METTL16: variants seen among roughly 807,000 people sequenced by gnomAD.
The protein encoded by METTL16 is methyltransferase 16, RNA N6-adenosine.
In METTL16, 19 loss-of-function variants were observed where a neutral mutation model predicts 57.9. That is an observed-to-expected ratio of 0.33 (90% confidence interval 0.23 to 0.48). The LOEUF (loss-of-function observed/expected upper bound fraction) is 0.48, where lower values mean the gene tolerates loss of function less well. Ranked by LOEUF, METTL16 falls within the 20% of genes least tolerant of loss-of-function variation. METTL16 has a pLI of 0.99. For missense variants in METTL16, 434 were observed against 691.5 expected (o/e 0.63, Z 4.18); for synonymous variants, 246 against 255.6 (o/e 0.96, Z 0.36).
chr17:2,474,241 A>C (rs889085250), intron 3 of METTL16, among the ~76,000 whole-genome samples: 1 of 152,184 alleles, frequency 6.6e-6, no homozygotes, highest in Non-Finnish European at 1.5e-5. Context: ...TATTTATTAA[A>C]ATGCCTTTGT....
chr17:2,491,672 G>T (rs184990816), intron 2 of METTL16, among the ~76,000 whole-genome samples: 3 of 151,732 alleles, frequency 2.0e-5, no homozygotes, highest in East Asian at 1.9e-4. Flanking sequence ...TCAGGAGATG[G>T]AGACCATCCT....
At chr17:2,473,705 G>GTTTC in intron 3 of METTL16, 41 bp from the exon 4 acceptor site, 1 of 1,586,640 alleles carries the variant, frequency 6.3e-7, no homozygotes, top group Non-Finnish European at 8.6e-7. Context: ...ACACACCAGA[G>GTTTC]GGAAAGGTTA....
intron 8 of METTL16, chr17:2,436,591 A>C (rs1219028041): frequency 6.6e-6 from 1 of 152,528 alleles, no homozygotes; most frequent in Non-Finnish European, 1.5e-5. Flanking sequence ...GAAGAACAGC[A>C]CCCAGAACAA....
chr17:2,467,308 G>T (rs540027816), intron 5 of METTL16, among the ~76,000 whole-genome samples: 1 of 152,170 alleles, frequency 6.6e-6, no homozygotes, highest in Non-Finnish European at 1.5e-5. Flanking sequence ...GAGTCCGGAT[G>T]TTCAAGACCA....
At chr17:2,509,555 C>T (rs890700534) in intron 1 of METTL16, among the ~76,000 whole-genome samples, 1 of 152,058 alleles carries the variant, frequency 6.6e-6, no homozygotes, top group African/African-American at 2.4e-5. Flanking sequence ...TCAAAATAAA[C>T]AAATACAAAT....
intron 1 of METTL16, among the ~76,000 whole-genome samples, chr17:2,505,920 T>C (rs980028583): frequency 6.6e-6 from 1 of 152,104 alleles, no homozygotes; most frequent in African/African-American, 2.4e-5. Flanking sequence ...TTAAGTCACA[T>C]GCCCTTGCTC....
intron 6 of METTL16, among the ~76,000 whole-genome samples, chr17:2,457,586 T>TAG (rs944197186): frequency 6.6e-6 from 1 of 151,580 alleles, no homozygotes; most frequent in African/African-American, 2.4e-5. Context: ...CGCGTGCCTT[T>TAG]AATCCCAGCT....
At chr17:2,427,940 T>A (rs1309330421) in intron 8 of METTL16, among the ~76,000 whole-genome samples, 1 of 105,916 alleles carries the variant, frequency 9.4e-6, no homozygotes, top group Non-Finnish European at 1.8e-5. Flanking sequence ...ATGGCAAAAC[T>A]CCATCTTTAC....
At chr17:2,483,622 T>C (rs1245556988) in intron 2 of METTL16, among the ~76,000 whole-genome samples, 1 of 152,156 alleles carries the variant, frequency 6.6e-6, no homozygotes, top group Non-Finnish European at 1.5e-5. Context: ...CTTTACTCAA[T>C]AGCACGCAAT....
intron 6 of METTL16, among the ~76,000 whole-genome samples, chr17:2,452,439 C>A (rs1489771027): frequency 6.6e-6 from 1 of 152,032 alleles, no homozygotes; most frequent in Non-Finnish European, 1.5e-5. Flanking sequence ...TATGCCTACC[C>A]ACTAGATCCT....
chr17:2,454,980 G>A (rs575951404), intron 6 of METTL16, among the ~76,000 whole-genome samples: 2 of 151,962 alleles, frequency 1.3e-5, no homozygotes, highest in East Asian at 3.9e-4. Context: ...GAGTGCAGTG[G>A]CGCAATCTTG....
intron 8 of METTL16, among the ~76,000 whole-genome samples, chr17:2,435,644 T>C (rs964483699): frequency 2.0e-5 from 3 of 151,866 alleles, no homozygotes; most frequent in African/African-American, 7.2e-5. Context: ...TGGGAGTGCA[T>C]TATTAGCAGC....
rs139982635 is a variant in METTL16, at chr17:2,486,818, C to T, written c.129-8933G>A. On this transcript the variant is annotated intron_variant, in intron 2 of 9. Coordinates refer to ENST00000263092, the MANE Select transcript of METTL16 (RefSeq NM_024086.4). ...TGAAACCCTATTTCTATAAAATATA[C>T]AAAAATTAGTCAGTGTGGTGGTGTG... Among the ~76,000 whole-genome samples the T allele has an allele frequency of 7.1e-3, 1,069 of 151,208 alleles. 11 individuals are homozygous for T. The highest frequency in any genetic ancestry group is 0.025 in the African/African-American group (1,011 of 41,214).
intron 2 of METTL16, among the ~76,000 whole-genome samples, chr17:2,486,349 G>T (rs1322153293): frequency 6.6e-6 from 1 of 151,116 alleles, no homozygotes; most frequent in East Asian, 1.9e-4. Context: ...TCGGCTCATT[G>T]CAACTTACGC....
intron 2 of METTL16, among the ~76,000 whole-genome samples, chr17:2,485,845 C>A (rs1319709567): frequency 1.3e-5 from 2 of 152,152 alleles, no homozygotes; most frequent in African/African-American, 2.4e-5. Flanking sequence ...ATAACTGCGA[C>A]AGATGCTATA....
intron 1 of METTL16, among the ~76,000 whole-genome samples, chr17:2,511,400 T>C (rs924533886): frequency 6.6e-6 from 1 of 152,138 alleles, no homozygotes; most frequent in African/African-American, 2.4e-5. Context: ...ACATCTTCTC[T>C]CTTCGCCTTC....
intron 2 of METTL16, among the ~76,000 whole-genome samples, chr17:2,498,828 C>T (rs1241745718): frequency 6.6e-6 from 1 of 151,580 alleles, no homozygotes; most frequent in Non-Finnish European, 1.5e-5. Flanking sequence ...AAATTTCAAA[C>T]TCCTCAGTGG....
intron 2 of METTL16, among the ~76,000 whole-genome samples, chr17:2,491,057 T>C (rs1446591647): frequency 6.6e-6 from 1 of 152,198 alleles, no homozygotes; most frequent in African/African-American, 2.4e-5. Context: ...AATACTTTTG[T>C]TGGGCAAAGT....
Position 2,420,623 on chromosome 17 carries a change from T to A in METTL16, c.1063-27A>T. ...TGTTTGGAGGAAAAACAGAATTTTG[T>A]GGGAAATCACGTTTCCCCTCTCTCC... On this transcript the variant is annotated intron_variant, in intron 9 of 9. Transcript: ENST00000263092. The surrounding 1 kb of genome is among the most constrained non-coding windows in gnomAD (Gnocchi z 5.4). 6.4e-7 allele frequency: 1 copy of A among 1,573,548 alleles called. No individual in the cohort carries two copies. The highest frequency in any genetic ancestry group is 8.6e-7 in the Non-Finnish European group (1 of 1,165,358).
Sources: gnomAD v4.1 joint callset for allele counts (sites outside exome capture counted in the v4.1 genomes callset) on GRCh38, gnomAD v4.1.1 for gene constraint, Gnocchi (gnomAD v3.1) non-coding constraint, MANE v1.5 for transcripts, NCBI Gene and HGNC (gene_info 2026-07-23, HGNC 2026-07-21) for gene names.